Variants in KIAA1755 observed in about 807,000 individuals in gnomAD.
KIAA1755 encodes KIAA1755.
KIAA1755 carries 68 observed loss-of-function variants against 91.7 expected under a neutral mutation model. That is an observed-to-expected ratio of 0.74 (90% CI 0.61 to 0.91). The LOEUF (loss-of-function observed/expected upper bound fraction) is 0.91, where lower values mean the gene tolerates loss of function less well. Ranked by LOEUF, KIAA1755 falls within the 40% of genes least tolerant of loss-of-function variation. KIAA1755 has a pLI of 0.00. For missense variants in KIAA1755, 1,535 were observed against 1,494.4 expected (o/e 1.03, Z -0.45); for synonymous variants, 610 against 604.6 (o/e 1.01, Z -0.13).
rs533219185 is a variant in KIAA1755, at chr20:38,251,771, G to A, written c.4-5645C>T. On this transcript the variant is annotated intron_variant, in intron 1 of 13. Transcript: ENST00000279024. ...AGTAGAGATGCAGTTTCACCATGTTGGCCAAGCTGGTCTTGAACTCCTGAC... is the reference window on the plus strand; with the variant it reads ...AGTAGAGATGCAGTTTCACCATGTTAGCCAAGCTGGTCTTGAACTCCTGAC... 2.0e-5 allele frequency among the ~76,000 whole-genome samples: 3 copies of A among 152,194 alleles called. No homozygotes were observed. In the South Asian group the frequency reaches 6.2e-4, roughly 32 times the overall value.
chr20:38,250,167 A>G (rs972719081), intron 1 of KIAA1755, among the ~76,000 whole-genome samples: 3 of 152,194 alleles, frequency 2.0e-5, no homozygotes, highest in Non-Finnish European at 4.4e-5. Flanking sequence ...CAAAACTTAC[A>G]TAATTGTGTT....
Position 38,223,564 on chromosome 20 carries a change from TC to T in KIAA1755, c.2241del (p.Lys748ArgfsTer15). Reference sequence around the variant, plus strand: ...TGCATCCCCCCAGGGGGGTCGGCCTTCTCGAATTCCTCGATGGAAGCTTGTA... The same window carrying T: ...TGCATCCCCCCAGGGGGGTCGGCCTTTCGAATTCCTCGATGGAAGCTTGTA... ...SLLQASIEEF[E>X]KADPPGGMQE... On this transcript the variant is annotated frameshift_variant, in exon 9 of 14. Coordinates refer to ENST00000279024, the MANE Select transcript of KIAA1755 (RefSeq NM_001029864.2). LOFTEE classifies it high-confidence loss of function. 6.3e-7 allele frequency: 1 copy of T among 1,599,590 alleles called. No homozygotes were observed.
chr20:38,222,014 G>A (rs547515577), intron 10 of KIAA1755, among the ~76,000 whole-genome samples: 195 of 152,302 alleles, frequency 1.3e-3, no homozygotes, highest in African/African-American at 4.5e-3. Context: ...CTTACCAGCC[G>A]CTGTCTAGCT....
At chr20:38,222,642 C>CT (rs1409957833) in intron 9 of KIAA1755, 45 bp from the exon 10 acceptor site, 2 of 1,597,210 alleles carry the variant, frequency 1.3e-6, no homozygotes, top group Non-Finnish European at 1.7e-6. Context: ...CCCACTCTCC[C>CT]TCTGCAACCT....
intron 2 of KIAA1755, among the ~76,000 whole-genome samples, chr20:38,245,109 A>T (rs935564842): frequency 5.9e-5 from 9 of 151,924 alleles, no homozygotes; most frequent in African/African-American, 2.2e-4. Flanking sequence ...CTGGTACCCC[A>T]CTCCTCTGGC....
chr20:38,212,320 G>GT lies in KIAA1755; in HGVS notation c.*721_*722insA, dbSNP rs919161797. 190 of 151,626 alleles carry GT rather than the reference G, an allele frequency of 1.3e-3. No homozygotes were observed. The highest frequency in any genetic ancestry group is 4.5e-3 in the Admixed American group (69 of 15,238). 9.4% of individuals were successfully genotyped at this position (151,626 alleles called of 1,614,324 possible). On this transcript the variant is annotated 3_prime_UTR_variant, in exon 14 of 14. Coordinates refer to ENST00000279024, the MANE Select transcript of KIAA1755 (RefSeq NM_001029864.2). ...ACCCTGTCTCTGGTGGGGTCGGGGG[G>GT]GGTGGGCGGAAAAGGCAATCCCAGC...
intron 4 of KIAA1755, among the ~76,000 whole-genome samples, chr20:38,237,431 G>A (rs140709935): frequency 4.6e-5 from 7 of 152,148 alleles, no homozygotes; most frequent in East Asian, 2.0e-4. Context: ...TGGATCTCAC[G>A]GAGGTTGGGA....
At chr20:38,226,655 G>C (rs2075762249) in intron 7 of KIAA1755, among the ~76,000 whole-genome samples, 1 of 152,162 alleles carries the variant, frequency 6.6e-6, no homozygotes, top group African/African-American at 2.4e-5. Flanking sequence ...ACTAATTAAA[G>C]GGAGCTGCAG....
At position 38,260,674 on chromosome 20, in the gene KIAA1755, G is replaced by A; in HGVS notation, c.-174C>T. The A allele has an allele frequency of 1.6e-6, 1 of 628,006 alleles. No individual in the cohort carries two copies. Among genetic ancestry groups the A allele is most frequent in the East Asian group, 3.3e-5 (1 of 30,014 alleles). The allele number at this position is 628,006 out of a possible 1,614,324, so 38.9% of individuals were successfully genotyped here. A position where few individuals can be genotyped will look rare whatever the true frequency, so the allele number is the denominator to read the frequency against. ...TCATCTCGGAGGAGCGGCCGGGGAG[G>A]ACAGGGAGAGAGACTGAGAGAGAGA... is the stretch of plus-strand genomic sequence containing the variant. On this transcript the variant is annotated 5_prime_UTR_variant, in exon 1 of 14. Transcript: ENST00000279024.
rs199854901 is a variant in KIAA1755, at chr20:38,225,682, A to T, written c.2152T>A (p.Trp718Arg). The change falls in exon 8 of 14, where the codon TGG becomes AGG. Residue 718 changes from tryptophan (W) to arginine (R), a missense_variant. By Grantham distance (101) the Trp-to-Arg change is moderately radical. Coordinates refer to ENST00000279024, the MANE Select transcript of KIAA1755 (RefSeq NM_001029864.2). Reference sequence around the variant, plus strand: ...GTAAACACCTGGAAGAAATGAACCCACTCGGTGTGGCAGTAGGGGAAGGGG... The same window carrying T: ...GTAAACACCTGGAAGAAATGAACCCTCTCGGTGTGGCAGTAGGGGAAGGGG... The part of the protein sequence containing the change: ...EGPFPYCHTE[W>R]VHFFQKLDPF... 110 of 1,612,114 alleles carry T rather than the reference A, an allele frequency of 6.8e-5. No individual in the cohort carries two copies. The highest frequency in any genetic ancestry group is 3.0e-4 in the Admixed American group (18 of 59,956).
At chr20:38,232,517 A>G (rs553896743) in intron 4 of KIAA1755, among the ~76,000 whole-genome samples, 39 of 151,666 alleles carry the variant, frequency 2.6e-4, no homozygotes, top group African/African-American at 9.0e-4. Context: ...AGTCCCAGCT[A>G]CTTGGGAGGC....
intron 4 of KIAA1755, among the ~76,000 whole-genome samples, chr20:38,237,620 G>A (rs921679389): frequency 1.3e-5 from 2 of 152,024 alleles, no homozygotes; most frequent in African/African-American, 4.8e-5. Flanking sequence ...AAGATATGAT[G>A]ATGGGGAAGG....
At chr20:38,222,635 A>T in intron 9 of KIAA1755, 38 bp from the exon 10 acceptor site, 1 of 1,602,164 alleles carries the variant, frequency 6.2e-7, no homozygotes, top group South Asian at 1.1e-5. Flanking sequence ...CCCCATCCCC[A>T]CTCTCCCTCT....
intron 9 of KIAA1755, 63 bp downstream of exon 9, chr20:38,223,475 G>T: frequency 4.3e-6 from 5 of 1,154,340 alleles, no homozygotes; most frequent in Non-Finnish European, 6.0e-6. Flanking sequence ...CCTTCTCGAA[G>T]CCCTTGGTCC....
chr20:38,218,095 C>T lies in KIAA1755; in HGVS notation c.2679+149G>A, dbSNP rs75912646. On this transcript the variant is annotated intron_variant, in intron 12 of 13. Coordinates refer to ENST00000279024, the MANE Select transcript of KIAA1755 (RefSeq NM_001029864.2). The stretch of plus-strand genomic sequence containing the variant: ...ATCTCTGGGGGAGATAACATCTCAG[C>T]TGAACTCTGCAATCCAAGCTGGTTC... The T allele has an allele frequency of 1.7e-3, 1,562 of 944,096 alleles. 20 individuals are homozygous for T. The African/African-American group carries it at 0.018, about 11-fold the overall frequency. The allele number at this position is 944,096 out of a possible 1,614,324, so 58.5% of individuals were successfully genotyped here.
In KIAA1755 at chr20:38,260,705, AG is replaced by A. The variant is rs2123388821; in HGVS notation, c.-206del. Reference sequence around the variant, plus strand: ...GAGAGAGACTGAGAGAGAGACAGAGAGGGACTGAGGCTGGAGACGGCGAGAG... The same window carrying A: ...GAGAGAGACTGAGAGAGAGACAGAGAGGACTGAGGCTGGAGACGGCGAGAG... On this transcript the variant is annotated 5_prime_UTR_variant, in exon 1 of 14. The change abolishes the stop of an existing upstream ORF in the 5' untranslated region. Transcript: ENST00000279024. The A allele has an allele frequency of 2.5e-6, 1 of 401,516 alleles. No homozygotes were observed. Among genetic ancestry groups the A allele is most frequent in the South Asian group, 1.0e-4 (1 of 9,754 alleles). The allele number at this position is 401,516 out of a possible 1,614,324, so 24.9% of individuals were successfully genotyped here. A position where few individuals can be genotyped will look rare whatever the true frequency, so the allele number is the denominator to read the frequency against.
intron 10 of KIAA1755, among the ~76,000 whole-genome samples, chr20:38,220,159 G>A (rs2075630523): frequency 6.6e-6 from 1 of 152,170 alleles, no homozygotes; most frequent in African/African-American, 2.4e-5. Flanking sequence ...ATGGTTGTAA[G>A]GATTAAATGA....
At chr20:38,237,887 A>G (rs1458937411) in intron 4 of KIAA1755, among the ~76,000 whole-genome samples, 1 of 152,144 alleles carries the variant, frequency 6.6e-6, no homozygotes. Context: ...AGGACAAAAA[A>G]CGGACAGAAG....
chr20:38,259,510 CGT>C (rs74179896), intron 1 of KIAA1755, among the ~76,000 whole-genome samples: 357 of 137,392 alleles, frequency 2.6e-3, no homozygotes, highest in African/African-American at 7.6e-3. Flanking sequence ...TGAGTGCCTG[CGT>C]GTGTGTGTGT....
Sources: allele counts gnomAD v4.1 joint callset (sites outside exome capture counted in the v4.1 genomes callset), GRCh38; gene constraint gnomAD v4.1.1; transcripts MANE v1.5; gene names NCBI Gene and HGNC (gene_info 2026-07-23, HGNC 2026-07-21).